Variants in ATG10 observed in about 807,000 individuals in gnomAD.
ATG10 encodes the protein ubiquitin-like-conjugating enzyme ATG10.
A neutral mutation model predicts 32.1 loss-of-function variants in ATG10; 30 were observed. That is an observed-to-expected ratio of 0.94 (90% CI 0.70 to 1.27). The LOEUF (loss-of-function observed/expected upper bound fraction) is 1.27, where lower values mean the gene tolerates loss of function less well. Ranked by LOEUF, ATG10 falls within the 50% of genes most tolerant of loss-of-function variation. The pLI is 0.00. For synonymous variants in ATG10, 87 were observed against 91.5 expected (o/e 0.95, Z 0.28); for missense variants, 233 against 262.3 (o/e 0.89, Z 0.77).
intron 2 of ATG10, among the ~76,000 whole-genome samples, chr5:82,049,262 A>G (rs1239359834): frequency 6.6e-6 from 1 of 152,002 alleles, no homozygotes; most frequent in Non-Finnish European, 1.5e-5. Flanking sequence ...CGCGGATGAA[A>G]TTGGAAATCA....
rs1762073089 is a variant in ATG10, at chr5:82,009,587, A to G, written c.108+21909A>G. On this transcript the variant is annotated intron_variant, in intron 2 of 7. Transcript: ENST00000282185. ...TGGTCTGGTGGTTAAGATAAAACAC[A>G]AGTCAAACTTATTCGAGTTGTCCAC... 7.0e-6 allele frequency: 11 copies of G among 1,572,832 alleles called. No homozygotes were observed. The Admixed American group carries it at 1.3e-4, about 19-fold the overall frequency.
chr5:82,198,768 C>T (rs1379763432), intron 5 of ATG10, among the ~76,000 whole-genome samples: 1 of 152,194 alleles, frequency 6.6e-6, no homozygotes, highest in Non-Finnish European at 1.5e-5. Context: ...TTGCCTGAAA[C>T]TATTTAATTG....
chr5:82,174,329 A>ACTTAC (rs1743926192), intron 4 of ATG10, among the ~76,000 whole-genome samples: 1 of 152,196 alleles, frequency 6.6e-6, no homozygotes, highest in South Asian at 2.1e-4. Context: ...TTTACAGTGT[A>ACTTAC]AGTGGTCAGC....
intron 2 of ATG10, among the ~76,000 whole-genome samples, chr5:82,012,379 C>A (rs1238881316): frequency 6.6e-6 from 1 of 152,200 alleles, no homozygotes; most frequent in East Asian, 1.9e-4. Context: ...AAAACTAGCT[C>A]ATTTGAGCAT....
chr5:81,984,551 C>T (rs1047383766), intron 1 of ATG10, among the ~76,000 whole-genome samples: 4 of 152,218 alleles, frequency 2.6e-5, no homozygotes, highest in Middle Eastern at 3.2e-3. Context: ...TTTAAGATAG[C>T]TTAAGTCTGG....
chr5:82,124,990 C>A (rs548148306), intron 3 of ATG10, among the ~76,000 whole-genome samples: 2 of 152,194 alleles, frequency 1.3e-5, no homozygotes, highest in South Asian at 2.1e-4. Flanking sequence ...TTCTAACTGG[C>A]ATGAGATGGT....
chr5:82,127,072 G>A (rs1766307822), intron 3 of ATG10, among the ~76,000 whole-genome samples: 1 of 152,196 alleles, frequency 6.6e-6, no homozygotes, highest in South Asian at 2.1e-4. Flanking sequence ...TTTGCATAGA[G>A]GTGTTTATAG....
chr5:82,153,795 AT>A (rs1436726269), intron 3 of ATG10, among the ~76,000 whole-genome samples: 6 of 151,940 alleles, frequency 3.9e-5, no homozygotes, highest in Non-Finnish European at 7.4e-5. Flanking sequence ...TTGTGTGATT[AT>A]TTTTTAATGT....
At chr5:82,052,201 AC>A (rs1399168396) in intron 2 of ATG10, among the ~76,000 whole-genome samples, 2 of 152,196 alleles carry the variant, frequency 1.3e-5, no homozygotes, top group South Asian at 4.2e-4. Context: ...TTAGATAACC[AC>A]CCATTTTCTT....
intron 5 of ATG10, among the ~76,000 whole-genome samples, chr5:82,246,552 T>G (rs1463395743): frequency 6.6e-6 from 1 of 151,330 alleles, no homozygotes; most frequent in African/African-American, 2.4e-5. Context: ...AGAAAAAAAA[T>G]TATTTAAAAA....
At chr5:82,196,871 C>G (rs1395714827) in intron 5 of ATG10, among the ~76,000 whole-genome samples, 1 of 152,158 alleles carries the variant, frequency 6.6e-6, no homozygotes, top group Non-Finnish European at 1.5e-5. Context: ...TTTTCGCTAG[C>G]TTTGGTTCTA....
intron 5 of ATG10, among the ~76,000 whole-genome samples, chr5:82,217,420 A>G (rs563929486): frequency 1.3e-5 from 2 of 152,224 alleles, no homozygotes; most frequent in South Asian, 4.1e-4. Flanking sequence ...GTAATATTAC[A>G]TTTACTATGT....
chr5:82,194,898 A>G (rs931293924), intron 5 of ATG10, among the ~76,000 whole-genome samples: 3 of 152,346 alleles, frequency 2.0e-5, no homozygotes, highest in South Asian at 2.1e-4. Flanking sequence ...ATCGCTGCCA[A>G]TAGTGACTCC....
chr5:82,240,638 A>G (rs963188196), intron 5 of ATG10, among the ~76,000 whole-genome samples: 1 of 152,216 alleles, frequency 6.6e-6, no homozygotes, highest in African/African-American at 2.4e-5. Context: ...GGATAGTTCA[A>G]AATAACTGGA....
intron 2 of ATG10, among the ~76,000 whole-genome samples, chr5:82,017,935 GTGCCCATGAGCAGTCCTA>G: frequency 6.6e-6 from 1 of 151,598 alleles, no homozygotes. Flanking sequence ...CATAATATTA[GTGCCCATGAGCAGTCCTA>G]TGTCTTATTC....
chr5:82,042,628 A>G (rs893833608), intron 2 of ATG10, among the ~76,000 whole-genome samples: 3 of 152,212 alleles, frequency 2.0e-5, no homozygotes, highest in African/African-American at 7.2e-5. Flanking sequence ...ATTACTTCTA[A>G]GATGCAATGG....
At chr5:82,191,480 C>T (rs75918250) in intron 5 of ATG10, among the ~76,000 whole-genome samples, 247 of 152,314 alleles carry the variant, frequency 1.6e-3, no homozygotes, top group Middle Eastern at 0.014. Context: ...CTACTTCACA[C>T]ATATTCTTTC....
intron 2 of ATG10, among the ~76,000 whole-genome samples, chr5:82,019,597 C>T (rs1017160247): frequency 3.3e-5 from 5 of 152,158 alleles, no homozygotes; most frequent in African/African-American, 7.2e-5. Flanking sequence ...GAATGAGTTT[C>T]GGCAAAGGGG....
intron 3 of ATG10, among the ~76,000 whole-genome samples, chr5:82,119,963 G>T (rs1765978958): frequency 6.7e-6 from 1 of 150,320 alleles, no homozygotes; most frequent in South Asian, 2.1e-4. Context: ...GAATTATTTG[G>T]CTGTAGGAGT....
Sources: allele counts gnomAD v4.1 joint callset (sites outside exome capture counted in the v4.1 genomes callset), GRCh38; gene constraint gnomAD v4.1.1; transcripts MANE v1.5; gene names NCBI Gene and HGNC (gene_info 2026-07-23, HGNC 2026-07-21).